The following COL4A3 variants were observed in gnomAD, a reference collection of about 807,000 sequenced individuals.
COL4A3 encodes collagen alpha-3(IV) chain.
A neutral mutation model predicts 217.4 loss-of-function variants in COL4A3; 135 were observed. The observed-to-expected ratio is 0.62, with a 90% CI of 0.54 to 0.72. The LOEUF (loss-of-function observed/expected upper bound fraction) is 0.72. COL4A3 is among the 30% of genes least tolerant of loss of function. The pLI, the probability that COL4A3 is intolerant of heterozygous loss-of-function variation, is 0.00. For synonymous variants in COL4A3, 690 were observed against 736.3 expected (o/e 0.94, Z 1.02); for missense variants, 1,868 against 2,119.9 (o/e 0.88, Z 2.33).
intron 1 of COL4A3, among the ~76,000 whole-genome samples, chr2:227,176,024 G>T (rs1262155433): frequency 6.7e-6 from 1 of 149,840 alleles, no homozygotes; most frequent in East Asian, 2.0e-4. Flanking sequence ...AGGCCCAAGA[G>T]CCCTTATCCC....
intron 34 of COL4A3, among the ~76,000 whole-genome samples, 175 bp from the exon 35 acceptor site, chr2:227,288,975 G>T (rs1256902131): frequency 7.1e-6 from 1 of 140,878 alleles, no homozygotes; most frequent in East Asian, 2.0e-4. Context: ...TTTTGAGATG[G>T]AGTCTCGTTC....
intron 17 of COL4A3, 99 bp downstream of exon 17, chr2:227,256,495 A>G: frequency 2.1e-6 from 2 of 970,656 alleles, no homozygotes; most frequent in Non-Finnish European, 3.4e-6. Flanking sequence ...GATTACAATA[A>G]CAGACTTCAT....
In COL4A3 at chr2:227,203,335, A is replaced by G. The variant is rs1360099108; in HGVS notation, c.88-34633A>G. On this transcript the variant is annotated intron_variant, in intron 1 of 51. Coordinates refer to ENST00000396578, the MANE Select transcript of COL4A3 (RefSeq NM_000091.5). ...TATATACATATATGTGTATACATAC[A>G]TATATGTGTATATATGTGTATATAT... 1.6e-3 allele frequency among the ~76,000 whole-genome samples: 92 copies of G among 55,924 alleles called. 1 individual carries two copies. Among genetic ancestry groups the G allele is most frequent in the Non-Finnish European group, 2.4e-3 (71 of 29,986 alleles). The allele number at this position is 55,924 out of a possible 152,430, so 36.7% of individuals were successfully genotyped here.
chr2:227,284,470 C>T, intron 34 of COL4A3, 125 bp downstream of exon 34: 2 of 1,091,854 alleles, frequency 1.8e-6, no homozygotes, highest in Admixed American at 4.0e-5. Context: ...ACCTGCCCAT[C>T]ACACAGCCGG....
rs2069331085 is a variant in COL4A3, at chr2:227,246,214, G to A, written c.387+198G>A. ...GCTTTCTAATTGTCTTTTAAGGAAA[G>A]TTCTCCCACAGAAAGAAAACTTGGA... On this transcript the variant is annotated intron_variant, in intron 6 of 51. Coordinates refer to ENST00000396578, the MANE Select transcript of COL4A3 (RefSeq NM_000091.5). 1.6e-5 allele frequency: 10 copies of A among 616,778 alleles called. No homozygotes were observed. In the Admixed American group the frequency reaches 2.0e-4, roughly 12 times the overall value. 38.2% of individuals were successfully genotyped at this position (616,778 alleles called of 1,614,324 possible).
Position 227,253,555 on chromosome 2 carries a change from C to T in COL4A3, c.688-6C>T, listed in dbSNP as rs778234156. The stretch of plus-strand genomic sequence containing the variant: ...TTTTCTCACTCCTGAGTGTTTTTGT[C>T]TTTAGGGTGTGAAAGGGTTAACAGG... On this transcript the variant is annotated splice_region_variant and splice_polypyrimidine_tract_variant and intron_variant, in intron 12 of 51. Transcript: ENST00000396578. The surrounding 1 kb of genome is among the most constrained non-coding windows in gnomAD (Gnocchi z 4.4). 4.3e-6 allele frequency: 7 copies of T among 1,612,394 alleles called. No individual in the cohort carries two copies. Among genetic ancestry groups the T allele is most frequent in the Non-Finnish European group, 5.1e-6 (6 of 1,178,586 alleles).
intron 1 of COL4A3, among the ~76,000 whole-genome samples, chr2:227,176,704 C>T (rs1472781517): frequency 6.6e-6 from 1 of 152,128 alleles, no homozygotes; most frequent in Admixed American, 6.5e-5. Flanking sequence ...TTTTTTCCCA[C>T]CGGGATATTT....
At chr2:227,238,961 G>C (rs1298528372) in intron 2 of COL4A3, among the ~76,000 whole-genome samples, 5 of 152,294 alleles carry the variant, frequency 3.3e-5, no homozygotes, top group African/African-American at 9.6e-5. Flanking sequence ...ACTGAGTAGC[G>C]AGAGGGGTCT....
intron 19 of COL4A3, 182 bp downstream of exon 19, chr2:227,260,059 G>T: frequency 1.3e-6 from 1 of 751,348 alleles, no homozygotes; most frequent in Non-Finnish European, 2.4e-6. Context: ...TTCATAGGTT[G>T]TATACCAGGA....
intron 1 of COL4A3, among the ~76,000 whole-genome samples, chr2:227,209,713 G>A (rs1197261295): frequency 6.6e-6 from 1 of 152,186 alleles, no homozygotes; most frequent in Non-Finnish European, 1.5e-5. Flanking sequence ...GTGGTGGTAG[G>A]TGCCTGTAAT....
rs1166891836 is a variant in COL4A3, at chr2:227,270,968, C to A, written c.1758+16C>A. 1.2e-6 allele frequency: 2 copies of A among 1,612,962 alleles called. No homozygotes were observed. The highest frequency in any genetic ancestry group is 1.3e-5 in the African/African-American group (1 of 75,026). On this transcript the variant is annotated intron_variant, in intron 25 of 51. Transcript: ENST00000396578. Reference sequence around the variant, plus strand: ...AGGCGAACTGGTTGGTATTTAGCAACTTTACCCTCCCTATAAATGAAGTAC... The same window carrying A: ...AGGCGAACTGGTTGGTATTTAGCAAATTTACCCTCCCTATAAATGAAGTAC...
intron 1 of COL4A3, among the ~76,000 whole-genome samples, chr2:227,184,609 T>C (rs1261443429): frequency 6.6e-6 from 1 of 152,178 alleles, no homozygotes; most frequent in Non-Finnish European, 1.5e-5. Flanking sequence ...ATATATCCTT[T>C]TACTTTTTGG....
At chr2:227,255,665 T>A (rs1398644091) in intron 15 of COL4A3, among the ~76,000 whole-genome samples, 1 of 152,174 alleles carries the variant, frequency 6.6e-6, no homozygotes, top group African/African-American at 2.4e-5. Context: ...TGTAAACACC[T>A]TCCTTTTTCT....
At chr2:227,209,094 A>G (rs1248046265) in intron 1 of COL4A3, among the ~76,000 whole-genome samples, 1 of 152,240 alleles carries the variant, frequency 6.6e-6, no homozygotes, top group Non-Finnish European at 1.5e-5. Flanking sequence ...TCTGAACGAC[A>G]CAAAACATGA....
At chr2:227,279,942 G>A (rs1262792221) in intron 29 of COL4A3, 52 bp downstream of exon 29, 11 of 1,295,072 alleles carry the variant, frequency 8.5e-6, no homozygotes, top group Non-Finnish European at 1.2e-5. Flanking sequence ...ACCATTAACT[G>A]GCCAGTTTGT....
chr2:227,307,726 T>A lies in COL4A3; in HGVS notation c.4269T>A (p.Asp1423Glu). The A allele has an allele frequency of 6.2e-7, 1 of 1,614,188 alleles. No homozygotes were observed. Residue 1423 changes from aspartate (D) to glutamate (E), a missense_variant, in exon 48 of 52, where the codon GAT becomes GAA. Physicochemically the swap from Asp to Glu is conservative, Grantham distance 45. Around this residue, in one of 2 missense-constraint regions of COL4A3, gnomAD observed 1,503 missense variants for 1,786.1 expected, o/e 0.84. Coordinates refer to ENST00000396578, the MANE Select transcript of COL4A3 (RefSeq NM_000091.5). ...SKGEPGPAGS[D>E]GLPGLKGKRG... The stretch of plus-strand genomic sequence containing the variant: ...TTTTTGAAGGACCAGCTGGATCAGA[T>A]GGATTGCCAGGTTTGAAAGGAAAAC...
At chr2:227,226,110 G>A (rs1273253910) in intron 1 of COL4A3, among the ~76,000 whole-genome samples, 1 of 152,138 alleles carries the variant, frequency 6.6e-6, no homozygotes, top group Non-Finnish European at 1.5e-5. Flanking sequence ...GCTGTGGTTT[G>A]GGGGGTGGGT....
intron 1 of COL4A3, among the ~76,000 whole-genome samples, chr2:227,177,387 C>T (rs2065717282): frequency 6.6e-6 from 1 of 151,986 alleles, no homozygotes; most frequent in East Asian, 1.9e-4. Context: ...AATCTCCTGA[C>T]CTCATGATCC....
intron 1 of COL4A3, among the ~76,000 whole-genome samples, chr2:227,226,929 C>T (rs1419162784): frequency 1.3e-5 from 2 of 152,164 alleles, no homozygotes; most frequent in Non-Finnish European, 2.9e-5. Flanking sequence ...TATGCAGATA[C>T]CTATATAACA....
Sources: gnomAD v4.1 joint callset for allele counts (sites outside exome capture counted in the v4.1 genomes callset) on GRCh38, gnomAD v4.1.1 for gene constraint, gnomAD v4.1.1 regional missense constraint, Gnocchi (gnomAD v3.1) non-coding constraint, MANE v1.5 for transcripts, NCBI Gene and HGNC (gene_info 2026-07-23, HGNC 2026-07-21) for gene names.